Variants in LRRC37A2 observed in about 807,000 individuals in gnomAD.
LRRC37A2 encodes leucine-rich repeat-containing protein 37A2.
LRRC37A2 carries 9 observed loss-of-function variants against 68.8 expected under a neutral mutation model. The ratio of observed to expected loss-of-function variants is 0.13; its 90% CI spans 0.08 to 0.23. The LOEUF (loss-of-function observed/expected upper bound fraction) is 0.23. Among genes scored for constraint, LRRC37A2 ranks in the 10% least tolerant of loss-of-function variants. The probability of loss-of-function intolerance (pLI) is 1.00; values close to 1 mark genes in which losing one functional copy is unlikely to be tolerated. For synonymous variants in LRRC37A2, 63 were observed against 367.6 expected, an observed-to-expected ratio of 0.17 and a Z score of 9.48; for missense variants, 168 against 950.4, an observed-to-expected ratio of 0.18 and a Z score of 10.82.
chr17:46,968,600 AGT>A, the LRRC37A2 span: 14 of 152,490 alleles, frequency 9.2e-5, no homozygotes, highest in African/African-American at 3.4e-4. Context: ...TTCCCATTTT[AGT>A]GTGTGACTCA....
the LRRC37A2 span, among the ~76,000 whole-genome samples, chr17:47,029,453 C>T: frequency 3.3e-5 from 5 of 152,250 alleles, no homozygotes; most frequent in East Asian, 1.9e-4. Context: ...GAAGATTCTC[C>T]TCTACATCTG....
At chr17:46,844,637 CCTT>C in the LRRC37A2 span, among the ~76,000 whole-genome samples, 13 of 152,258 alleles carry the variant, frequency 8.5e-5, no homozygotes, top group East Asian at 1.7e-3. Context: ...TTCCTCTCGT[CCTT>C]CTTTTTAGAG....
At chr17:46,615,810 A>G in the LRRC37A2 span, among the ~76,000 whole-genome samples, 1 of 28,128 alleles carries the variant, frequency 3.6e-5, no homozygotes, top group Admixed American at 3.5e-4. Flanking sequence ...TTTGATCCTT[A>G]TATGATATGA....
the LRRC37A2 span, chr17:46,978,955 C>T: frequency 4.1e-6 from 6 of 1,454,330 alleles, no homozygotes; most frequent in Non-Finnish European, 4.5e-6. Flanking sequence ...GGCGCCGCCG[C>T]CCACGCCGTC....
chr17:46,500,951 G>A, the LRRC37A2 span, among the ~76,000 whole-genome samples: 6 of 151,270 alleles, frequency 4.0e-5, no homozygotes, highest in South Asian at 2.1e-4. Context: ...AGGCTGAAGC[G>A]GGTGGATCAC....
At chr17:46,979,037 C>T in the LRRC37A2 span, 1 of 1,383,438 alleles carries the variant, frequency 7.2e-7, no homozygotes, top group Non-Finnish European at 9.3e-7. Context: ...TCTCGGCGCG[C>T]AGTCCCGGGT....
chr17:46,548,653 A>C lies in LRRC37A2; in HGVS notation c.3514A>C (p.Arg1172=), dbSNP rs201014408. 3,065 of 1,605,706 alleles carry C rather than the reference A, an allele frequency of 1.9e-3. 17 individuals carry two copies. Among genetic ancestry groups the C allele is most frequent in the Middle Eastern group, 8.8e-3 (39 of 4,438 alleles). ...AGTGAAGAGAGTCCTCATGGGCCCA[A>C]GGAGCATCCAGAAAAGGCACTTCAA... The change falls in exon 10 of 15, where the codon AGG becomes CGG. Residue 1172 remains arginine (R), a synonymous_variant. Transcript: ENST00000576629.
the LRRC37A2 span, among the ~76,000 whole-genome samples, chr17:46,715,960 AT>A: frequency 1.3e-5 from 2 of 152,222 alleles, no homozygotes; most frequent in African/African-American, 4.8e-5. Flanking sequence ...CTTCAGCAGT[AT>A]AACAAATTTA....
the LRRC37A2 span, among the ~76,000 whole-genome samples, chr17:46,796,128 T>C: frequency 6.6e-6 from 1 of 152,258 alleles, no homozygotes; most frequent in Non-Finnish European, 1.5e-5. Flanking sequence ...CCAATCCTGA[T>C]CTTATTGCTA....
the LRRC37A2 span, among the ~76,000 whole-genome samples, chr17:46,815,310 C>T: frequency 1.3e-5 from 2 of 152,300 alleles, no homozygotes; most frequent in Admixed American, 1.3e-4. Context: ...CTCTTCCTTC[C>T]AGGGGTGTCA....
At chr17:46,868,751 C>G in the LRRC37A2 span, among the ~76,000 whole-genome samples, 5 of 152,144 alleles carry the variant, frequency 3.3e-5, no homozygotes, top group African/African-American at 9.7e-5. Flanking sequence ...ACAGAGGGAC[C>G]CAGTGAGTGG....
At chr17:46,977,457 G>T in the LRRC37A2 span, among the ~76,000 whole-genome samples, 1 of 152,238 alleles carries the variant, frequency 6.6e-6, no homozygotes, top group Non-Finnish European at 1.5e-5. Flanking sequence ...AGAAAGCAGA[G>T]CTGTCCTCTC....
chr17:46,934,917 T>A, the LRRC37A2 span: 1 of 951,462 alleles, frequency 1.1e-6, no homozygotes, highest in Admixed American at 1.7e-5. Context: ...GCTGATTCTT[T>A]CACCAGCCCC....
the LRRC37A2 span, among the ~76,000 whole-genome samples, chr17:47,034,371 G>A: frequency 6.6e-6 from 1 of 152,092 alleles, no homozygotes; most frequent in East Asian, 1.9e-4. Context: ...GGATAATATC[G>A]AATGGCCCTA....
At chr17:46,791,396 G>A in the LRRC37A2 span, among the ~76,000 whole-genome samples, 13 of 152,112 alleles carry the variant, frequency 8.5e-5, no homozygotes, top group Non-Finnish European at 1.9e-4. Context: ...TAGTAGAGAC[G>A]GGGTTTCAAC....
chr17:46,934,125 CAG>C, the LRRC37A2 span, among the ~76,000 whole-genome samples: 1 of 152,344 alleles, frequency 6.6e-6, no homozygotes, highest in African/African-American at 2.4e-5. Context: ...GTGTGGGTAA[CAG>C]GGCAGGCCCT....
chr17:46,964,310 C>CT, the LRRC37A2 span: 1 of 152,318 alleles, frequency 6.6e-6, no homozygotes, highest in Non-Finnish European at 1.5e-5. Context: ...CCAGGGCTCT[C>CT]TGACATCCAA....
the LRRC37A2 span, among the ~76,000 whole-genome samples, chr17:46,609,427 C>T: frequency 6.6e-6 from 1 of 151,894 alleles, no homozygotes; most frequent in Admixed American, 6.5e-5. Context: ...ATTTGAGCAT[C>T]TCCTGCACCT....
chr17:46,860,234 A>T, the LRRC37A2 span, among the ~76,000 whole-genome samples: 3 of 152,000 alleles, frequency 2.0e-5, no homozygotes, highest in Middle Eastern at 3.2e-3. Context: ...TGAGGACGGG[A>T]AGGAGGAGAG....
Sources: allele counts gnomAD v4.1 joint callset (sites outside exome capture counted in the v4.1 genomes callset), GRCh38; gene constraint gnomAD v4.1.1; transcripts MANE v1.5; gene names NCBI Gene and HGNC (gene_info 2026-07-23, HGNC 2026-07-21).